The following ANTXR1 variants were observed in gnomAD, a reference collection of about 807,000 sequenced individuals.
ANTXR1 encodes the protein ANTXR cell adhesion molecule 1.
In ANTXR1, 19 loss-of-function variants were observed where a neutral mutation model predicts 78.1. That is an observed-to-expected ratio of 0.24 (90% CI 0.17 to 0.36). The LOEUF is 0.36. Among genes scored for constraint, ANTXR1 ranks in the 10% least tolerant of loss-of-function variants. The pLI is 1.00. For synonymous variants in ANTXR1, 273 were observed against 260.5 expected (o/e 1.05, Z -0.46); for missense variants, 518 against 718.6 (o/e 0.72, Z 3.19).
rs1670937191 is a variant in ANTXR1, at chr2:69,013,680, C to T, written c.152+29C>T. ...AGTGCCGCGAGTTGTCCCCCCCACC[C>T]CAGGCTAAGCGGGCGAAAACGCTTT... On this transcript the variant is annotated intron_variant, in intron 1 of 17. Coordinates refer to ENST00000303714, the MANE Select transcript of ANTXR1 (RefSeq NM_032208.3). This position sits in a 1 kb window ranked among gnomAD's most constrained non-coding sequence, Gnocchi z 5.0. The T allele has an allele frequency of 6.4e-7, 1 of 1,551,326 alleles. No individual in the cohort carries two copies. Among genetic ancestry groups the T allele is most frequent in the Admixed American group, 2.0e-5 (1 of 50,994 alleles).
chr2:69,033,743 T>C (rs1288375514), intron 1 of ANTXR1, among the ~76,000 whole-genome samples: 2 of 152,238 alleles, frequency 1.3e-5, no homozygotes, highest in Non-Finnish European at 2.9e-5. Flanking sequence ...GCTGCTCTGC[T>C]CTTCCAGGAT....
intron 17 of ANTXR1, among the ~76,000 whole-genome samples, chr2:69,216,689 T>C (rs999270940): frequency 6.6e-6 from 1 of 152,172 alleles, no homozygotes; most frequent in African/African-American, 2.4e-5. Context: ...CTCCCCTTGA[T>C]CAAGGAGCAA....
intron 3 of ANTXR1, among the ~76,000 whole-genome samples, chr2:69,054,804 T>C (rs1670022063): frequency 6.6e-6 from 1 of 152,162 alleles, no homozygotes; most frequent in Admixed American, 6.5e-5. Context: ...AGTCTTAAGA[T>C]ATTTAGTGCT....
At chr2:69,042,026 T>G (rs538094873) in intron 2 of ANTXR1, among the ~76,000 whole-genome samples, 1 of 152,310 alleles carries the variant, frequency 6.6e-6, no homozygotes, top group South Asian at 2.1e-4. Context: ...GCTCAGTCAG[T>G]ATTTTTAAAT....
chr2:69,031,091 G>A (rs1671519037), intron 1 of ANTXR1, among the ~76,000 whole-genome samples: 1 of 152,082 alleles, frequency 6.6e-6, no homozygotes, highest in African/African-American at 2.4e-5. Context: ...AGACCACATG[G>A]CCCCCAGAAC....
At chr2:69,121,123 C>A (rs1007303544) in intron 10 of ANTXR1, among the ~76,000 whole-genome samples, 4 of 152,218 alleles carry the variant, frequency 2.6e-5, no homozygotes, top group Admixed American at 2.6e-4. Flanking sequence ...AGGGCCAGCC[C>A]CCTCCTCCTT....
chr2:69,122,981 C>T (rs1672401846), intron 10 of ANTXR1, 36 bp from the exon 11 acceptor site: 1 of 1,599,686 alleles, frequency 6.3e-7, no homozygotes, highest in African/African-American at 1.3e-5. Flanking sequence ...ATAAACTCAC[C>T]TCCCTCTTCT....
rs1429024439 is a variant in ANTXR1 at position 69,245,280 on chromosome 2, T to C, written c.1490T>C (p.Leu497Pro). ...AACAACCAGCCAGCCAAGTACCCAC[T>C]CAACAACGCCTACCACACCTCCTCG... ...VKNNQPAKYP[L>P]NNAYHTSSPP... Residue 497 changes from leucine to proline, a missense_variant, in exon 18 of 18, where the codon CTC (leucine) becomes CCC (proline). Transcript: ENST00000303714. 1 of 1,613,386 alleles carries C rather than the reference T, an allele frequency of 6.2e-7. No individual in the cohort carries two copies. The highest frequency in any genetic ancestry group is 8.5e-7 in the Non-Finnish European group (1 of 1,179,914).
At chr2:69,171,691 C>T (rs1230206434) in intron 14 of ANTXR1, among the ~76,000 whole-genome samples, 1 of 152,192 alleles carries the variant, frequency 6.6e-6, no homozygotes, top group East Asian at 1.9e-4. Context: ...TAAGACTGGG[C>T]TCTGACTTAC....
At chr2:69,031,360 G>A (rs1174306562) in intron 1 of ANTXR1, among the ~76,000 whole-genome samples, 1 of 152,122 alleles carries the variant, frequency 6.6e-6, no homozygotes, top group Non-Finnish European at 1.5e-5. Context: ...CCTAGGTTCT[G>A]CAAATTATGT....
chr2:69,105,919 A>G (rs1011446166), intron 10 of ANTXR1, among the ~76,000 whole-genome samples: 4 of 152,252 alleles, frequency 2.6e-5, no homozygotes, highest in Admixed American at 6.5e-5. Context: ...AAATAATGCA[A>G]TAGCAAGCTA....
chr2:69,193,455 T>TCACA (rs767512608), intron 17 of ANTXR1, 40 bp downstream of exon 17: 2 of 1,270,578 alleles, frequency 1.6e-6, no homozygotes, highest in East Asian at 2.5e-5. Flanking sequence ...TCTCTCTCTC[T>TCACA]CTCTCACATA....
At chr2:69,033,840 T>C (rs925489622) in intron 1 of ANTXR1, among the ~76,000 whole-genome samples, 4 of 152,344 alleles carry the variant, frequency 2.6e-5, no homozygotes, top group Middle Eastern at 6.8e-3. Context: ...GAAGGGAGGA[T>C]AATTTAAATT....
chr2:69,031,916 T>C lies in ANTXR1; in HGVS notation c.153-8128T>C, dbSNP rs1449756543. On this transcript the variant is annotated intron_variant, in intron 1 of 17. Transcript: ENST00000303714. ...CTGCTCCAGGGTGGCTCCTGCCAGATGGATGTCTCCGACTGACCAGGGTCA... is the reference window on the plus strand; with the variant it reads ...CTGCTCCAGGGTGGCTCCTGCCAGACGGATGTCTCCGACTGACCAGGGTCA... Among the ~76,000 whole-genome samples, 3 of 152,202 alleles carry C rather than the reference T, an allele frequency of 2.0e-5. No individual in the cohort carries two copies. In the East Asian group the frequency reaches 5.8e-4, roughly 29 times the overall value.
intron 17 of ANTXR1, among the ~76,000 whole-genome samples, chr2:69,201,553 G>T (rs1231908322): frequency 1.3e-5 from 2 of 152,212 alleles, no homozygotes; most frequent in Non-Finnish European, 2.9e-5. Flanking sequence ...TAGAAAGGTC[G>T]CACTGGCTGC....
intron 16 of ANTXR1, among the ~76,000 whole-genome samples, chr2:69,187,038 G>A (rs1393701863): frequency 6.6e-6 from 1 of 152,240 alleles, no homozygotes; most frequent in African/African-American, 2.4e-5. Context: ...CCAGTGAAAG[G>A]AGCCAGAATC....
rs371148035 is a variant in ANTXR1, at chr2:69,019,377, A to G, written c.152+5726A>G. On this transcript the variant is annotated intron_variant, in intron 1 of 17. Transcript: ENST00000303714. ...TTTTAACTTGTTTGCTCTTAGACAT[A>G]TAAAGAGTATAAGTATCTGTGTTGA... is the stretch of plus-strand genomic sequence containing the variant. Among the ~76,000 whole-genome samples the G allele has an allele frequency of 2.8e-4, 42 of 152,340 alleles. No homozygotes were observed. The South Asian group carries it at 8.5e-3, about 31-fold the overall frequency.
chr2:69,071,740 CAT>C lies in ANTXR1; in HGVS notation c.379-11_379-10del. The C allele has an allele frequency of 1.2e-6, 2 of 1,613,766 alleles. No homozygotes were observed. Among genetic ancestry groups the C allele is most frequent in the South Asian group, 1.1e-5 (1 of 91,062 alleles). Reference sequence around the variant, plus strand: ...GTGGTTATAAGTCTAAGGGCTCTTTCATATGTTTTTCAGGCCAGTGAGCAGAT... The same window carrying C: ...GTGGTTATAAGTCTAAGGGCTCTTTCATGTTTTTCAGGCCAGTGAGCAGAT... On this transcript the variant is annotated splice_polypyrimidine_tract_variant and intron_variant, in intron 4 of 17. Coordinates refer to ENST00000303714, the MANE Select transcript of ANTXR1 (RefSeq NM_032208.3).
chr2:69,232,517 C>T (rs1387491296), intron 17 of ANTXR1, among the ~76,000 whole-genome samples: 1 of 142,556 alleles, frequency 7.0e-6, no homozygotes, highest in Non-Finnish European at 1.5e-5. Context: ...AAAAAAAGCA[C>T]TTTGAAGTTT....
Sources: gnomAD v4.1 joint callset for allele counts (sites outside exome capture counted in the v4.1 genomes callset) on GRCh38, gnomAD v4.1.1 for gene constraint, Gnocchi (gnomAD v3.1) non-coding constraint, MANE v1.5 for transcripts, NCBI Gene and HGNC (gene_info 2026-07-23, HGNC 2026-07-21) for gene names.